Variants in SAMD4A observed in about 807,000 individuals in gnomAD.
SAMD4A encodes the protein protein Smaug homolog 1.
In SAMD4A, 33 loss-of-function variants were observed where a neutral mutation model predicts 81.3. The ratio of observed to expected loss-of-function variants is 0.41; its 90% CI spans 0.31 to 0.54. The LOEUF (loss-of-function observed/expected upper bound fraction) is 0.54, where lower values mean the gene tolerates loss of function less well. SAMD4A is among the 20% of genes least tolerant of loss of function. The probability of loss-of-function intolerance (pLI) is 0.37; values close to 1 mark genes in which losing one functional copy is unlikely to be tolerated. For missense variants in SAMD4A, 854 were observed against 951.1 expected (o/e 0.90, Z 1.34); for synonymous variants, 389 against 382.1 (o/e 1.02, Z -0.21).
At chr14:54,712,386 T>A (rs8012422) in intron 3 of SAMD4A, among the ~76,000 whole-genome samples, 15,336 of 152,160 alleles carry the variant, frequency 0.1, 923 homozygotes, top group South Asian at 0.19. Flanking sequence ...AATGAAAGAG[T>A]TGGTTTGCTT....
At chr14:54,722,231 C>T (rs1289747388) in intron 3 of SAMD4A, among the ~76,000 whole-genome samples, 1 of 152,146 alleles carries the variant, frequency 6.6e-6, no homozygotes, top group Admixed American at 6.5e-5. Context: ...TAATATGTCT[C>T]AGGTGGTGGA....
chr14:54,656,890 A>C (rs2035532594), intron 2 of SAMD4A, among the ~76,000 whole-genome samples: 1 of 152,160 alleles, frequency 6.6e-6, no homozygotes, highest in Admixed American at 6.5e-5. Context: ...TACAGGCGTG[A>C]GCCATGAAAC....
rs75128493 is a variant in SAMD4A, at chr14:54,657,119, T to A, written c.197-44943T>A. Reference sequence around the variant, plus strand: ...GTAGATATGTCTAACACCTGTAATATGATCATTTTTCAATTTCCTCACTAA... The same window carrying A: ...GTAGATATGTCTAACACCTGTAATAAGATCATTTTTCAATTTCCTCACTAA... On this transcript the variant is annotated intron_variant, in intron 2 of 12. Coordinates refer to ENST00000554335, the MANE Select transcript of SAMD4A (RefSeq NM_015589.6). Among the ~76,000 whole-genome samples, 1,079 of 152,216 alleles carry A rather than the reference T, an allele frequency of 7.1e-3. 17 individuals carry two copies. Among genetic ancestry groups the A allele is most frequent in the African/African-American group, 0.025 (1,048 of 41,558 alleles).
intron 2 of SAMD4A, among the ~76,000 whole-genome samples, chr14:54,613,896 C>T (rs1049916224): frequency 6.6e-6 from 1 of 152,184 alleles, no homozygotes; most frequent in South Asian, 2.1e-4. Context: ...TGTTACCTCA[C>T]GAGTGTACAG....
intron 3 of SAMD4A, among the ~76,000 whole-genome samples, chr14:54,723,999 TGGATGGATGGAA>T (rs1322990703): frequency 2.5e-4 from 13 of 53,032 alleles, no homozygotes; most frequent in East Asian, 1.2e-3. Flanking sequence ...ATTGGATGGA[TGGATGGATGGAA>T]GGAAGGAAGG....
At chr14:54,641,202 T>C (rs1372954045) in intron 2 of SAMD4A, among the ~76,000 whole-genome samples, 1 of 152,214 alleles carries the variant, frequency 6.6e-6, no homozygotes, top group Non-Finnish European at 1.5e-5. Context: ...TCAGGGCTAT[T>C]GTCAGGTAAA....
rs2033243880 is a variant in SAMD4A, at chr14:54,574,918, G to C, written c.196+6806G>C. Among the ~76,000 whole-genome samples, 3 of 152,262 alleles carry C rather than the reference G, an allele frequency of 2.0e-5. No homozygotes were observed. The South Asian group carries it at 6.2e-4, about 32-fold the overall frequency. On this transcript the variant is annotated intron_variant, in intron 2 of 12. Transcript: ENST00000554335. ...AGCTGAACTCCTGGGATTGTAGTAGGCTCCCAGGTGATGTTGATGCTGCGT... is the reference window on the plus strand; with the variant it reads ...AGCTGAACTCCTGGGATTGTAGTAGCCTCCCAGGTGATGTTGATGCTGCGT...
In SAMD4A at chr14:54,690,503, A is replaced by G. The variant is rs1000496920; in HGVS notation, c.197-11559A>G. Reference sequence around the variant, plus strand: ...AGGAGTACTTTAGAAGATGGATTCTACTCCTTACAGTGTTGCCTGTTGGTT... The same window carrying G: ...AGGAGTACTTTAGAAGATGGATTCTGCTCCTTACAGTGTTGCCTGTTGGTT... On this transcript the variant is annotated intron_variant, in intron 2 of 12. Coordinates refer to ENST00000554335, the MANE Select transcript of SAMD4A (RefSeq NM_015589.6). Among the ~76,000 whole-genome samples the G allele has an allele frequency of 7.9e-5, 12 of 151,660 alleles. No individual in the cohort carries two copies. In the South Asian group the frequency reaches 1.7e-3, roughly 21 times the overall value.
In SAMD4A at chr14:54,745,493, C is replaced by T. The variant is rs147272549; in HGVS notation, c.980-3322C>T. Among the ~76,000 whole-genome samples, 267 of 152,288 alleles carry T rather than the reference C, an allele frequency of 1.8e-3. 1 individual carries two copies. The highest frequency in any genetic ancestry group is 6.2e-3 in the African/African-American group (259 of 41,556). On this transcript the variant is annotated intron_variant, in intron 4 of 12. Transcript: ENST00000554335. ...ATGGCAAACCAAAAGGCTCATCGTTCTGTGCTCCCCTAGAACCCTATGTAT... is the reference window on the plus strand; with the variant it reads ...ATGGCAAACCAAAAGGCTCATCGTTTTGTGCTCCCCTAGAACCCTATGTAT...
chr14:54,726,459 A>G (rs1302652610), intron 3 of SAMD4A, among the ~76,000 whole-genome samples: 1 of 152,198 alleles, frequency 6.6e-6, no homozygotes, highest in African/African-American at 2.4e-5. Context: ...ATAATCATTG[A>G]TGGGAAAAGT....
chr14:54,687,861 A>AG, intron 2 of SAMD4A: 1 of 553,564 alleles, frequency 1.8e-6, no homozygotes, highest in Non-Finnish European at 2.3e-6. Flanking sequence ...GTGATGTCAC[A>AG]GGAGCTCAAA....
chr14:54,694,846 G>A, intron 2 of SAMD4A: 1 of 985,570 alleles, frequency 1.0e-6, no homozygotes. Flanking sequence ...GGAGCACCCA[G>A]CTGTGCCGGT....
chr14:54,610,741 T>C (rs751673179), intron 2 of SAMD4A, among the ~76,000 whole-genome samples: 2 of 152,252 alleles, frequency 1.3e-5, no homozygotes, highest in Non-Finnish European at 2.9e-5. Flanking sequence ...GTCAATGATA[T>C]AATCATTTGA....
chr14:54,684,797 C>T (rs914817713), intron 2 of SAMD4A, among the ~76,000 whole-genome samples: 28 of 152,346 alleles, frequency 1.8e-4, no homozygotes, highest in Admixed American at 5.9e-4. Flanking sequence ...GGGCCTTTGG[C>T]CTGGTAGCCA....
At chr14:54,747,399 C>G (rs2037994615) in intron 4 of SAMD4A, among the ~76,000 whole-genome samples, 1 of 152,208 alleles carries the variant, frequency 6.6e-6, no homozygotes, top group Non-Finnish European at 1.5e-5. Context: ...TTCCCTAAAC[C>G]TAGAGTTGGT....
intron 3 of SAMD4A, among the ~76,000 whole-genome samples, chr14:54,708,728 G>A (rs1030462996): frequency 5.9e-5 from 9 of 152,166 alleles, no homozygotes; most frequent in Non-Finnish European, 1.0e-4. Context: ...GTGATCAACT[G>A]AGTAAAATGT....
At chr14:54,760,595 C>A in intron 7 of SAMD4A, 101 bp downstream of exon 7, 1 of 1,346,378 alleles carries the variant, frequency 7.4e-7, no homozygotes, top group Non-Finnish European at 9.4e-7. Context: ...ATTCCCTGTC[C>A]AAGTAGACAT....
At chr14:54,629,092 TG>T (rs5808783) in intron 2 of SAMD4A, among the ~76,000 whole-genome samples, 103,572 of 151,870 alleles carry the variant, frequency 0.68, 35,538 homozygotes, top group East Asian at 0.88. Context: ...CCAATGTGAC[TG>T]GGTATCCCTA....
At chr14:54,659,380 T>C (rs2035589902) in intron 2 of SAMD4A, among the ~76,000 whole-genome samples, 2 of 152,184 alleles carry the variant, frequency 1.3e-5, no homozygotes, top group Admixed American at 1.3e-4. Context: ...TTCATTCTTA[T>C]CAGAGCTCTG....
Sources: allele counts gnomAD v4.1 joint callset (sites outside exome capture counted in the v4.1 genomes callset), GRCh38; gene constraint gnomAD v4.1.1; transcripts MANE v1.5; gene names NCBI Gene and HGNC (gene_info 2026-07-23, HGNC 2026-07-21).